Variants in UBR4 observed in about 807,000 individuals in gnomAD.
UBR4 encodes the protein ubiquitin protein ligase E3 component n-recognin 4.
Under a neutral mutation model 575.6 loss-of-function variants are expected in UBR4, and 124 were observed. The observed-to-expected ratio is 0.22, with a 90% CI of 0.19 to 0.25. UBR4 has a LOEUF of 0.25. Ranked by LOEUF, UBR4 falls within the 10% of genes least tolerant of loss-of-function variation. The probability of loss-of-function intolerance (pLI) is 1.00; values close to 1 mark genes in which losing one functional copy is unlikely to be tolerated. For synonymous variants in UBR4, 2,455 were observed against 2,473.7 expected, an observed-to-expected ratio of 0.99 and a Z score of 0.22; for missense variants, 4,818 against 6,478.8, an observed-to-expected ratio of 0.74 and a Z score of 8.80.
intron 101 of UBR4, among the ~76,000 whole-genome samples, chr1:19,085,027 G>T (rs2076874421): frequency 6.6e-6 from 1 of 152,190 alleles, no homozygotes; most frequent in East Asian, 1.9e-4. Context: ...AAGCAATGTA[G>T]AACTCATCCA....
rs2150127381 is a variant in UBR4 at position 19,145,928 on chromosome 1, T to C, written c.7810A>G (p.Met2604Val). ...SKLPQMETEG[M>V]DEGKEPQKQL... is the part of the protein sequence containing the mutation. ...TTCTGCGGTTCCTTCCCTTCATCCA[T>C]TCCTTCTAAGCAGGAGAAAGAAAAT... is the stretch of plus-strand genomic sequence containing the variant. Residue 2604 changes from methionine (M) to valine (V), a missense_variant, in exon 53 of 106, where the codon ATG becomes GTG. By Grantham distance (21) the Met-to-Val change is conservative. Transcript: ENST00000375254. 1.2e-6 allele frequency: 2 copies of C among 1,614,008 alleles called. No individual in the cohort carries two copies. Among genetic ancestry groups the C allele is most frequent in the South Asian group, 1.1e-5 (1 of 91,066 alleles).
chr1:19,120,015 G>A (rs2080999811), intron 69 of UBR4, among the ~76,000 whole-genome samples, 165 bp downstream of exon 69: 1 of 152,166 alleles, frequency 6.6e-6, no homozygotes. Context: ...TCAGTTTAAT[G>A]GCTAAAAAGC....
At chr1:19,151,349 C>T (rs1445550513) in intron 48 of UBR4, 1 of 484,182 alleles carries the variant, frequency 2.1e-6, no homozygotes. Context: ...TGTCAATCTG[C>T]CTCCTCTCGG....
At chr1:19,209,990 G>T in intron 1 of UBR4, 83 bp downstream of exon 1, 1 of 1,404,322 alleles carries the variant, frequency 7.1e-7, no homozygotes, top group Non-Finnish European at 9.3e-7. Context: ...GCAGGGGGCG[G>T]CCCGGAAAGC....
chr1:19,187,586 T>C (rs759143481), intron 11 of UBR4, 46 bp from the exon 12 acceptor site: 4 of 1,585,008 alleles, frequency 2.5e-6, no homozygotes, highest in Middle Eastern at 1.7e-4. Context: ...TAATTAACAA[T>C]AAATTACAAC....
Position 19,114,086 on chromosome 1 carries a change from C to A in UBR4, c.11203-16G>T. 6.2e-7 allele frequency: 1 copy of A among 1,605,586 alleles called. No homozygotes were observed. Among genetic ancestry groups the A allele is most frequent in the Non-Finnish European group, 8.5e-7 (1 of 1,173,070 alleles). On this transcript the variant is annotated splice_polypyrimidine_tract_variant and intron_variant, in intron 75 of 105. Coordinates refer to ENST00000375254, the MANE Select transcript of UBR4 (RefSeq NM_020765.3). Reference sequence around the variant, plus strand: ...TGGATACAGCCTAGACAGGAAAAGACAGGGACTGAGTGAAGGCTTTTTGGC... The same window carrying A: ...TGGATACAGCCTAGACAGGAAAAGAAAGGGACTGAGTGAAGGCTTTTTGGC...
Position 19,153,649 on chromosome 1 carries a change from A to G in UBR4, c.6630+119T>C. ...CAAAGAAAAGGCATCTAGAAGAAAA[A>G]GGACTGAAAATCTTTTATGGGCCTC... On this transcript the variant is annotated intron_variant, in intron 45 of 105. Transcript: ENST00000375254. The surrounding 1 kb of genome is among the most constrained non-coding windows in gnomAD (Gnocchi z 4.1). 1 of 1,479,322 alleles carries G rather than the reference A, an allele frequency of 6.8e-7. No individual in the cohort carries two copies. Among genetic ancestry groups the G allele is most frequent in the Non-Finnish European group, 9.2e-7 (1 of 1,092,538 alleles). The allele number at this position is 1,479,322 out of a possible 1,614,324, so 91.6% of individuals were successfully genotyped here.
chr1:19,128,448 G>A (rs371624192), intron 61 of UBR4, 130 bp from the exon 62 acceptor site: 18 of 763,398 alleles, frequency 2.4e-5, no homozygotes, highest in African/African-American at 8.7e-5. Context: ...CCATTATAGC[G>A]TTCTAAATTC....
rs1460245274 is a variant in UBR4, at chr1:19,099,637, A to G, written c.13262T>C (p.Val4421Ala). ...NNKIISLDLP[V>A]AEVYKKVWCT... is the part of the protein sequence containing the mutation. ...CCAGACTTTCTTGTAAACTTCAGCC[A>G]CAGGAAGGTCCAAACTAATGATTTT... The change falls in exon 90 of 106, where the codon GTG (valine) becomes GCG (alanine). Residue 4421 changes from valine (V) to alanine (A), a missense_variant. By Grantham distance (64) the Val-to-Ala change is moderately conservative. Transcript: ENST00000375254. 3.1e-6 allele frequency: 5 copies of G among 1,614,102 alleles called. No individual in the cohort carries two copies.
intron 11 of UBR4, among the ~76,000 whole-genome samples, chr1:19,189,138 C>T (rs1442345503): frequency 6.6e-6 from 1 of 151,742 alleles, no homozygotes; most frequent in African/African-American, 2.4e-5. Flanking sequence ...AATATCATAG[C>T]ATTCTCTCCT....
At chr1:19,196,275 C>G (rs1355768489) in intron 8 of UBR4, among the ~76,000 whole-genome samples, 2 of 152,208 alleles carry the variant, frequency 1.3e-5, no homozygotes, top group East Asian at 3.8e-4. Context: ...TCTGAGAGCA[C>G]AAATGCCTTT....
chr1:19,082,034 CAT>C (rs2076567814), intron 102 of UBR4: 3 of 550,902 alleles, frequency 5.4e-6, no homozygotes, highest in East Asian at 2.9e-5. Flanking sequence ...CCTTGCTCCA[CAT>C]AGTCTTGTTA....
At chr1:19,085,923 T>C (rs1436147901) in intron 101 of UBR4, among the ~76,000 whole-genome samples, 1 of 152,096 alleles carries the variant, frequency 6.6e-6, no homozygotes, top group Non-Finnish European at 1.5e-5. Flanking sequence ...GGGTGCTGGT[T>C]CCTCCCACCC....
At chr1:19,147,886 T>C in intron 51 of UBR4, 107 bp downstream of exon 51, 1 of 1,486,468 alleles carries the variant, frequency 6.7e-7, no homozygotes, top group Non-Finnish European at 9.0e-7. Context: ...ATCTGAATGC[T>C]ATCCTCCCTC....
chr1:19,172,625 C>T (rs912221846), intron 25 of UBR4, among the ~76,000 whole-genome samples: 4 of 152,144 alleles, frequency 2.6e-5, no homozygotes, highest in African/African-American at 7.2e-5. Context: ...CTGTATCCTA[C>T]GAGTAAAATC....
At chr1:19,127,535 A>G in intron 63 of UBR4, 88 bp downstream of exon 63, 7 of 985,826 alleles carry the variant, frequency 7.1e-6, no homozygotes, top group Non-Finnish European at 9.6e-6. Context: ...TTATTCTTAC[A>G]GAGGACTACC....
rs751078307 is a variant in UBR4, at chr1:19,122,943, G to C, written c.9706C>G (p.His3236Asp). Residue 3236 changes from histidine to aspartate, a missense_variant, in exon 66 of 106, where the codon CAC becomes GAC. By Grantham distance (81) the His-to-Asp change is moderately conservative. This residue lies in a region of UBR4 where 550 missense variants were observed against 791.5 expected (regional missense o/e 0.69). Transcript: ENST00000375254. ...AGCAGCTTCTTGATCCCACGCACGTGAGAGTCCAGGGTGTGCAAATCCCGG... is the reference window on the plus strand; with the variant it reads ...AGCAGCTTCTTGATCCCACGCACGTCAGAGTCCAGGGTGTGCAAATCCCGG... ...QLRDLHTLDSHVRGIKKLLEE... is the reference protein window; with the variant it reads ...QLRDLHTLDSDVRGIKKLLEE... 6.2e-7 allele frequency: 1 copy of C among 1,614,246 alleles called. No individual in the cohort carries two copies. The highest frequency in any genetic ancestry group is 8.5e-7 in the Non-Finnish European group (1 of 1,180,034).
intron 9 of UBR4, 115 bp downstream of exon 9, chr1:19,193,318 A>G: frequency 7.0e-7 from 1 of 1,419,968 alleles, no homozygotes; most frequent in South Asian, 1.3e-5. Flanking sequence ...GTGCCCAGGG[A>G]AAGTAGTGTG....
At chr1:19,143,195 A>C in intron 55 of UBR4, among the ~76,000 whole-genome samples, 1 of 145,998 alleles carries the variant, frequency 6.8e-6, no homozygotes, top group Non-Finnish European at 1.5e-5. Flanking sequence ...GAAAGAAAGG[A>C]AGGAAGGAAG....
Sources: allele counts gnomAD v4.1 joint callset (sites outside exome capture counted in the v4.1 genomes callset), GRCh38; gene constraint gnomAD v4.1.1; regional missense constraint gnomAD v4.1.1; non-coding constraint Gnocchi (gnomAD v3.1); transcripts MANE v1.5; gene names NCBI Gene and HGNC (gene_info 2026-07-23, HGNC 2026-07-21).